Variants in LONP2 observed in about 807,000 individuals in gnomAD.
LONP2 encodes lon peptidase 2, peroxisomal.
Under a neutral mutation model 85.6 loss-of-function variants are expected in LONP2, and 60 were observed. That is an observed-to-expected ratio of 0.70 (90% CI 0.57 to 0.87). The LOEUF (loss-of-function observed/expected upper bound fraction) is 0.87. LONP2 is among the 40% of genes least tolerant of loss of function. LONP2 has a pLI of 0.00. For missense variants in LONP2, 860 were observed against 1,063.5 expected (o/e 0.81, Z 2.66); for synonymous variants, 395 against 389.7 (o/e 1.01, Z -0.16).
intron 8 of LONP2, among the ~76,000 whole-genome samples, chr16:48,280,906 C>T (rs74016395): frequency 0.014 from 2,088 of 152,170 alleles, 48 homozygotes; most frequent in African/African-American, 0.048. Context: ...CTTCTGTGTC[C>T]ATTTTGAAAG....
At chr16:48,244,687 C>T (rs1646026861) in intron 1 of LONP2, 66 bp downstream of exon 1, 6 of 1,134,196 alleles carry the variant, frequency 5.3e-6, no homozygotes, top group East Asian at 6.5e-5. Flanking sequence ...TGGGCCCAGG[C>T]CACGGCCTGC....
chr16:48,281,035 T>G (rs561450423), intron 8 of LONP2, among the ~76,000 whole-genome samples: 1 of 152,310 alleles, frequency 6.6e-6, no homozygotes, highest in Non-Finnish European at 1.5e-5. Context: ...CCAAGTATAG[T>G]TTTATTATCT....
At chr16:48,252,394 C>T (rs1439591087) in intron 2 of LONP2, 29 bp downstream of exon 2, 3 of 1,444,294 alleles carry the variant, frequency 2.1e-6, no homozygotes, top group East Asian at 2.3e-5. Context: ...TTCTTAAAAC[C>T]CATTTTTCTT....
In LONP2 at chr16:48,348,251, C is replaced by T. The variant is rs1444981974; in HGVS notation, c.2298C>T (p.Ala766=). Residue 766 remains alanine (A), a synonymous_variant, in exon 14 of 15, where the codon GCC becomes GCT. Transcript: ENST00000285737. ...GGCGGCTGGTACGTTCAGATGTAGCCATGACTGGAGAAATTACACTGAGAG... is the reference window on the plus strand; with the variant it reads ...GGCGGCTGGTACGTTCAGATGTAGCTATGACTGGAGAAATTACACTGAGAG... ...FSGRLVRSDV[A]MTGEITLRGL... 4 of 1,574,858 alleles carry T rather than the reference C, an allele frequency of 2.5e-6. No homozygotes were observed. The highest frequency in any genetic ancestry group is 3.4e-6 in the Non-Finnish European group (4 of 1,163,098).
intron 11 of LONP2, among the ~76,000 whole-genome samples, chr16:48,308,689 A>G (rs892706633): frequency 6.6e-6 from 1 of 151,948 alleles, no homozygotes; most frequent in Admixed American, 6.6e-5. Flanking sequence ...AAAATCCAAA[A>G]CTAAAACATA....
rs574636793 is a variant in LONP2 at position 48,270,411 on chromosome 16, A to C, written c.1241+137A>C. The C allele has an allele frequency of 1.3e-4, 127 of 963,750 alleles. No individual in the cohort carries two copies. The African/African-American group carries it at 1.6e-3, about 12-fold the overall frequency. The allele number at this position is 963,750 out of a possible 1,614,324, so 59.7% of individuals were successfully genotyped here. On this transcript the variant is annotated intron_variant, in intron 7 of 14. Coordinates refer to ENST00000285737, the MANE Select transcript of LONP2 (RefSeq NM_031490.5). ...GGTACCTTGAATGAAAAGGACATTT[A>C]CAAGAAGTATCAGCTAGCCTAGAGC...
At chr16:48,273,456 T>C (rs1972145435) in intron 7 of LONP2, among the ~76,000 whole-genome samples, 1 of 152,220 alleles carries the variant, frequency 6.6e-6, no homozygotes, top group Non-Finnish European at 1.5e-5. Context: ...CATTGCCTCA[T>C]TTTTGTCTGT....
At chr16:48,258,772 GA>G (rs750667255) in intron 4 of LONP2, 32 bp downstream of exon 4, 178 of 1,522,082 alleles carry the variant, frequency 1.2e-4, no homozygotes, top group Admixed American at 2.2e-4. Flanking sequence ...TTTCAGTTTT[GA>G]AAAAAAAATA....
At chr16:48,277,526 G>A (rs1045657914) in intron 8 of LONP2, 47 bp downstream of exon 8, 1 of 1,583,502 alleles carries the variant, frequency 6.3e-7, no homozygotes, top group Non-Finnish European at 8.6e-7. Flanking sequence ...GGAAGAGTAT[G>A]GAGGAGGGTT....
Position 48,276,441 on chromosome 16 carries a change from G to A in LONP2, c.1242-897G>A, listed in dbSNP as rs558897886. 1.4e-3 allele frequency among the ~76,000 whole-genome samples: 220 copies of A among 152,284 alleles called. 2 individuals carry two copies. The highest frequency in any genetic ancestry group is 5.1e-3 in the African/African-American group (211 of 41,556). ...AGTCAGGCTTTTATGCCTTTTCAGA[G>A]ACAGCATTTGCTTTGCACAACATAG... On this transcript the variant is annotated intron_variant, in intron 7 of 14. Coordinates refer to ENST00000285737, the MANE Select transcript of LONP2 (RefSeq NM_031490.5).
At chr16:48,310,588 G>A (rs113213714) in intron 11 of LONP2, among the ~76,000 whole-genome samples, 209 of 152,222 alleles carry the variant, frequency 1.4e-3, no homozygotes, top group Non-Finnish European at 2.6e-3. Context: ...CTGACCTCAG[G>A]TGATCCTCCC....
At chr16:48,250,279 G>A (rs75262934) in intron 1 of LONP2, among the ~76,000 whole-genome samples, 2 of 151,012 alleles carry the variant, frequency 1.3e-5, no homozygotes, top group South Asian at 2.1e-4. Flanking sequence ...TCAAGAGATC[G>A]AGATCATCCT....
At chr16:48,248,736 G>A (rs781540613) in intron 1 of LONP2, among the ~76,000 whole-genome samples, 3 of 151,856 alleles carry the variant, frequency 2.0e-5, no homozygotes, top group Admixed American at 6.6e-5. Flanking sequence ...TTTTAAAAGT[G>A]GCTGGGCCTG....
chr16:48,320,060 T>C (rs1220357282), intron 11 of LONP2, among the ~76,000 whole-genome samples: 1 of 148,236 alleles, frequency 6.7e-6, no homozygotes, highest in Non-Finnish European at 1.5e-5. Context: ...CTCGGGAGGC[T>C]GAGGCAGGAG....
chr16:48,271,740 T>C (rs939697038), intron 7 of LONP2, among the ~76,000 whole-genome samples: 1 of 152,036 alleles, frequency 6.6e-6, no homozygotes, highest in Non-Finnish European at 1.5e-5. Context: ...TAATAAATTT[T>C]AAAAAAGACT....
chr16:48,354,293 T>C lies in LONP2; in HGVS notation c.*2491T>C, dbSNP rs559243225. ...CATGATCTCGGCTCACTGCAACCTC[T>C]GCCTCCCCAGTTCAAGCAATTCTCA... On this transcript the variant is annotated 3_prime_UTR_variant, in exon 15 of 15. Coordinates refer to ENST00000285737, the MANE Select transcript of LONP2 (RefSeq NM_031490.5). 6.5e-5 allele frequency: 9 copies of C among 138,272 alleles called. No individual in the cohort carries two copies. The highest frequency in any genetic ancestry group is 4.8e-4 in the Admixed American group (6 of 12,456). 8.6% of individuals were successfully genotyped at this position (138,272 alleles called of 1,614,324 possible).
chr16:48,280,753 C>G (rs73551446), intron 8 of LONP2, among the ~76,000 whole-genome samples: 2,568 of 152,264 alleles, frequency 0.017, 57 homozygotes, highest in African/African-American at 0.057. Context: ...AGCTGACAGC[C>G]TCTTCCTCCC....
In LONP2 at chr16:48,356,620, G is replaced by T. The variant is rs768347709; in HGVS notation, c.*4818G>T. ...TTGTTTGTTTTACAAACATTTGGTG[G>T]ATACCACAATGAAAACTGCACTTAA... is the stretch of plus-strand genomic sequence containing the variant. On this transcript the variant is annotated 3_prime_UTR_variant, in exon 15 of 15. Coordinates refer to ENST00000285737, the MANE Select transcript of LONP2 (RefSeq NM_031490.5). The T allele has an allele frequency of 6.3e-6, 2 of 315,698 alleles. No individual in the cohort carries two copies. The highest frequency in any genetic ancestry group is 4.1e-4 in the Middle Eastern group (1 of 2,464). The allele number at this position is 315,698 out of a possible 1,614,324, so 19.6% of individuals were successfully genotyped here. A position where few individuals can be genotyped will look rare whatever the true frequency, so the allele number is the denominator to read the frequency against.
intron 2 of LONP2, among the ~76,000 whole-genome samples, chr16:48,255,529 A>G (rs1335911853): frequency 1.3e-5 from 2 of 152,308 alleles, no homozygotes; most frequent in East Asian, 3.9e-4. Flanking sequence ...TAACTCCCAG[A>G]TATACGCTGA....
Sources: gnomAD v4.1 joint callset for allele counts (sites outside exome capture counted in the v4.1 genomes callset) on GRCh38, gnomAD v4.1.1 for gene constraint, MANE v1.5 for transcripts, NCBI Gene and HGNC (gene_info 2026-07-23, HGNC 2026-07-21) for gene names.